FBXW8: variants seen among roughly 807,000 people sequenced by gnomAD.
FBXW8 encodes the protein F-box and WD repeat domain containing 8.
In FBXW8, 57 loss-of-function variants were observed where a neutral mutation model predicts 65.3. That is an observed-to-expected ratio of 0.87 (90% CI 0.71 to 1.09). The LOEUF (loss-of-function observed/expected upper bound fraction) is 1.09. FBXW8 is among the 50% of genes least tolerant of loss of function. The pLI is 0.00. For synonymous variants in FBXW8, 308 were observed against 330.2 expected (o/e 0.93, Z 0.73); for missense variants, 777 against 814.8 (o/e 0.95, Z 0.57).
intron 2 of FBXW8, among the ~76,000 whole-genome samples, chr12:116,929,582 A>G (rs1444547162): frequency 6.6e-6 from 1 of 152,220 alleles, no homozygotes; most frequent in Non-Finnish European, 1.5e-5. Context: ...TAAATGGACA[A>G]ATAAAGTTAT....
rs932100104 is a variant in FBXW8 at position 116,936,641 on chromosome 12, C to T, written c.423+8514C>T. Among the ~76,000 whole-genome samples, 14 of 152,176 alleles carry T rather than the reference C, an allele frequency of 9.2e-5. No individual in the cohort carries two copies. Among genetic ancestry groups the T allele is most frequent in the East Asian group, 3.9e-4 (2 of 5,178 alleles). On this transcript the variant is annotated intron_variant, in intron 2 of 10. Coordinates refer to ENST00000652555, the MANE Select transcript of FBXW8 (RefSeq NM_153348.3). This position sits in a 1 kb window ranked among gnomAD's most constrained non-coding sequence, Gnocchi z 4.6. Reference sequence around the variant, plus strand: ...AAAACTGTTTTCTTTCTGAAGCCTCCGGAAGGAATGCAGCCCTGCCCACAC... The same window carrying T: ...AAAACTGTTTTCTTTCTGAAGCCTCTGGAAGGAATGCAGCCCTGCCCACAC...
Position 116,949,676 on chromosome 12 carries a change from T to C in FBXW8, c.647T>C (p.Val216Ala). The change falls in exon 4 of 11, where the codon GTG becomes GCG. Residue 216 changes from valine (V) to alanine (A), a missense_variant. Val to Ala is a moderately conservative substitution (Grantham distance 64, BLOSUM62 0). Coordinates refer to ENST00000652555, the MANE Select transcript of FBXW8 (RefSeq NM_153348.3). ...GTTCCTGACACAGTTTTGTGTGATGTGCATTCTCACGATGGTGTGGTCATT... is the reference window on the plus strand; with the variant it reads ...GTTCCTGACACAGTTTTGTGTGATGCGCATTCTCACGATGGTGTGGTCATT... ...EHVPDTVLCDVHSHDGVVIAG... is the reference protein window; with the variant it reads ...EHVPDTVLCDAHSHDGVVIAG... 1.2e-6 allele frequency: 2 copies of C among 1,614,246 alleles called. No homozygotes were observed. Among genetic ancestry groups the C allele is most frequent in the Non-Finnish European group, 1.7e-6 (2 of 1,180,048 alleles).
chr12:116,989,710 C>T (rs1953188825), intron 7 of FBXW8, among the ~76,000 whole-genome samples: 2 of 152,304 alleles, frequency 1.3e-5, no homozygotes, highest in Middle Eastern at 3.4e-3. Flanking sequence ...GTTTTTGTTT[C>T]ATTTTGGGTT....
chr12:117,022,329 T>C (rs1954117540), intron 8 of FBXW8, among the ~76,000 whole-genome samples: 1 of 150,256 alleles, frequency 6.7e-6, no homozygotes, highest in Non-Finnish European at 1.5e-5. Context: ...AATTTCTGAA[T>C]AGATTATAGT....
intron 4 of FBXW8, among the ~76,000 whole-genome samples, chr12:116,957,462 C>T (rs956586143): frequency 1.6e-4 from 24 of 152,106 alleles, no homozygotes; most frequent in Non-Finnish European, 8.8e-5. Context: ...ATTTTCTGTT[C>T]GGGAACTGAA....
chr12:116,933,595 G>T (rs1474612980), intron 2 of FBXW8, among the ~76,000 whole-genome samples: 1 of 152,154 alleles, frequency 6.6e-6, no homozygotes, highest in South Asian at 2.1e-4. Flanking sequence ...TTGGCTTTTT[G>T]TTGTTGTTGT....
intron 2 of FBXW8, among the ~76,000 whole-genome samples, chr12:116,930,918 C>T (rs1007460798): frequency 6.6e-6 from 1 of 152,206 alleles, no homozygotes; most frequent in African/African-American, 2.4e-5. Context: ...CGTGATTCTC[C>T]CACCTCAACC....
At chr12:116,985,183 C>T (rs370486587) in intron 5 of FBXW8, 23 bp from the exon 6 acceptor site, 9 of 1,544,040 alleles carry the variant, frequency 5.8e-6, no homozygotes, top group African/African-American at 5.6e-5. Context: ...AAATTGTTAC[C>T]TGCATTGTTT....
In FBXW8 at chr12:117,028,957, A is replaced by G. The variant is rs1954300185; in HGVS notation, c.*785A>G. The G allele has an allele frequency of 6.6e-6, 1 of 152,238 alleles. No homozygotes were observed. The highest frequency in any genetic ancestry group is 1.5e-5 in the Non-Finnish European group (1 of 68,040). 9.4% of individuals were successfully genotyped at this position (152,238 alleles called of 1,614,324 possible). ...TACTCTTGATTTTCAACAGTTCTAA[A>G]CAGCAACAGCATCCACCTAATATAC... On this transcript the variant is annotated 3_prime_UTR_variant, in exon 11 of 11. Coordinates refer to ENST00000652555, the MANE Select transcript of FBXW8 (RefSeq NM_153348.3). The surrounding 1 kb of genome is among the most constrained non-coding windows in gnomAD (Gnocchi z 4.1).
chr12:116,983,838 C>T (rs762331795), intron 5 of FBXW8, among the ~76,000 whole-genome samples: 37 of 152,224 alleles, frequency 2.4e-4, no homozygotes, highest in African/African-American at 8.7e-4. Flanking sequence ...TTCAGTGCTT[C>T]GTGTGGCCGG....
chr12:116,949,680 T>G lies in FBXW8; in HGVS notation c.651T>G (p.His217Gln), dbSNP rs1285030836. The change falls in exon 4 of 11, where the codon CAT (histidine) becomes CAG (glutamine). Residue 217 changes from histidine (H) to glutamine (Q), a missense_variant. By Grantham distance (24) the His-to-Gln change is conservative. Coordinates refer to ENST00000652555, the MANE Select transcript of FBXW8 (RefSeq NM_153348.3). The part of the protein sequence containing the change: ...HVPDTVLCDV[H>Q]SHDGVVIAGY... ...CTGACACAGTTTTGTGTGATGTGCA[T>G]TCTCACGATGGTGTGGTCATTGCGG... 6.2e-7 allele frequency: 1 copy of G among 1,614,210 alleles called. No homozygotes were observed. Among genetic ancestry groups the G allele is most frequent in the Admixed American group, 1.7e-5 (1 of 60,026 alleles).
rs142445679 is a variant in FBXW8, at chr12:116,988,716, C to G, written c.1086C>G (p.Ala362=). ...CCAGAAGGTACCCTGTGGCAGTAGC[C>G]GCTGCTGGAGATCTGATGTACCTGC... ...PETRRYPVAV[A]AAGDLMYLLK... Residue 362 remains alanine, a synonymous_variant, in exon 7 of 11, where the codon GCC becomes GCG. Coordinates refer to ENST00000652555, the MANE Select transcript of FBXW8 (RefSeq NM_153348.3). 6 of 1,614,096 alleles carry G rather than the reference C, an allele frequency of 3.7e-6. No homozygotes were observed. The South Asian group carries it at 6.6e-5, about 18-fold the overall frequency.
Position 116,928,067 on chromosome 12 carries a change from C to T in FBXW8, c.363C>T (p.Tyr121=), listed in dbSNP as rs753901060. The change falls in exon 2 of 11, where the codon TAC becomes TAT. Residue 121 remains tyrosine, a synonymous_variant. Coordinates refer to ENST00000652555, the MANE Select transcript of FBXW8 (RefSeq NM_153348.3). The part of the protein sequence containing the change: ...DVPFFDIQLP[Y]ELAINIFQYL... The stretch of plus-strand genomic sequence containing the variant: ...CTTTCTTTGATATCCAACTGCCTTA[C>T]GAATTGGCAATCAATATATTTCAGT... 2.1e-5 allele frequency: 34 copies of T among 1,611,316 alleles called. No homozygotes were observed. Among genetic ancestry groups the T allele is most frequent in the East Asian group, 4.5e-5 (2 of 44,842 alleles).
chr12:117,000,050 C>T (rs1293588266), intron 7 of FBXW8, among the ~76,000 whole-genome samples: 1 of 146,686 alleles, frequency 6.8e-6, no homozygotes, highest in Non-Finnish European at 1.5e-5. Context: ...GGCGCGATCT[C>T]TGCTCACTGC....
At chr12:116,949,587 T>A in intron 3 of FBXW8, 31 bp from the exon 4 acceptor site, 1 of 1,609,622 alleles carries the variant, frequency 6.2e-7, no homozygotes, top group Non-Finnish European at 8.5e-7. Flanking sequence ...CCGAGAGCAG[T>A]CTAAACTGCA....
chr12:116,931,731 ATTTG>A (rs1197598968), intron 2 of FBXW8, among the ~76,000 whole-genome samples: 1 of 151,448 alleles, frequency 6.6e-6, no homozygotes. Flanking sequence ...CCATAACTGA[ATTTG>A]TTTATTAGTT....
chr12:116,954,142 C>G (rs894097142), intron 4 of FBXW8, among the ~76,000 whole-genome samples: 6 of 148,252 alleles, frequency 4.0e-5, no homozygotes, highest in Non-Finnish European at 8.9e-5. Context: ...AAAGAAAAAG[C>G]AGTGGTAAAA....
Position 117,024,255 on chromosome 12 carries a change from C to T in FBXW8, c.1476C>T (p.Gly492=), listed in dbSNP as rs571939944. The change falls in exon 9 of 11, where the codon GGC becomes GGT. Residue 492 remains glycine (G), a synonymous_variant. Transcript: ENST00000652555. ...QMDDWKIVSG[G]EEGLVSVWDY... is the part of the protein sequence containing the mutation. The stretch of plus-strand genomic sequence containing the variant: ...ATGACTGGAAGATCGTCAGTGGAGG[C>T]GAGGAAGGCCTGGTGTCCGTGTGGG... 233 of 1,614,120 alleles carry T rather than the reference C, an allele frequency of 1.4e-4. 2 individuals carry two copies. The Admixed American group carries it at 3.8e-3, about 26-fold the overall frequency.
rs536928411 is a variant in FBXW8, at chr12:116,997,771, T to C, written c.1239+8902T>C. Among the ~76,000 whole-genome samples, 42 of 152,316 alleles carry C rather than the reference T, an allele frequency of 2.8e-4. 1 individual carries two copies. The South Asian group carries it at 8.7e-3, about 32-fold the overall frequency. Reference sequence around the variant, plus strand: ...CCATACCTGTAGGTATAGCGGCCCATGCTGCTTCACAGGATTCACTTTCCC... The same window carrying C: ...CCATACCTGTAGGTATAGCGGCCCACGCTGCTTCACAGGATTCACTTTCCC... On this transcript the variant is annotated intron_variant, in intron 7 of 10. Coordinates refer to ENST00000652555, the MANE Select transcript of FBXW8 (RefSeq NM_153348.3).
Sources: allele counts gnomAD v4.1 joint callset (sites outside exome capture counted in the v4.1 genomes callset), GRCh38; gene constraint gnomAD v4.1.1; non-coding constraint Gnocchi (gnomAD v3.1); transcripts MANE v1.5; gene names NCBI Gene and HGNC (gene_info 2026-07-23, HGNC 2026-07-21).